The following ADAM23 variants were observed in gnomAD, a reference collection of about 807,000 sequenced individuals.
ADAM23 encodes ADAM metallopeptidase domain 23.
ADAM23 carries 33 observed loss-of-function variants against 120.1 expected under a neutral mutation model. That is an observed-to-expected ratio of 0.27 (90% CI 0.21 to 0.37). The LOEUF (loss-of-function observed/expected upper bound fraction) is 0.37. ADAM23 is among the 10% of genes least tolerant of loss of function. The pLI is 1.00. For synonymous variants in ADAM23, 367 were observed against 375.2 expected (o/e 0.98, Z 0.25); for missense variants, 862 against 1,058.2 (o/e 0.81, Z 2.57).
intron 24 of ADAM23, among the ~76,000 whole-genome samples, chr2:206,608,878 C>T (rs746897038): frequency 4.6e-5 from 7 of 152,096 alleles, no homozygotes; most frequent in Admixed American, 1.3e-4. Flanking sequence ...CAAGGATTTT[C>T]GGGAAACTAG....
rs541625911 is a variant in ADAM23, at chr2:206,445,000, C to T, written c.215-307C>T. Among the ~76,000 whole-genome samples, 3 of 22,210 alleles carry T rather than the reference C, an allele frequency of 1.4e-4. No individual in the cohort carries two copies. In the East Asian group the frequency reaches 1.8e-3, roughly 13 times the overall value. 14.6% of individuals were successfully genotyped at this position (22,210 alleles called of 152,430 possible). The stretch of plus-strand genomic sequence containing the variant: ...TCTTCTTCCCTCAAGTTCATTCTAC[C>T]CCCCCCCCAACACTTAGAAGTATAG... On this transcript the variant is annotated intron_variant, in intron 1 of 25. Transcript: ENST00000264377.
At chr2:206,604,714 T>C (rs1235196360) in intron 24 of ADAM23, among the ~76,000 whole-genome samples, 1 of 152,200 alleles carries the variant, frequency 6.6e-6, no homozygotes, top group Non-Finnish European at 1.5e-5. Context: ...TGGGAAAATA[T>C]TTAGCTAAAA....
At chr2:206,508,658 A>G (rs1350243866) in intron 3 of ADAM23, among the ~76,000 whole-genome samples, 2 of 147,602 alleles carry the variant, frequency 1.4e-5, no homozygotes, top group African/African-American at 4.9e-5. Context: ...CTGTCTCCAA[A>G]AAAAAAAAAA....
intron 2 of ADAM23, among the ~76,000 whole-genome samples, chr2:206,477,891 A>ATATATATATATATAT (rs1229595648): frequency 3.9e-4 from 37 of 94,364 alleles, no homozygotes; most frequent in South Asian, 1.4e-3. Flanking sequence ...AAAAAAAAAA[A>ATATATATATATATAT]AAAAAAATAT....
At chr2:206,613,690 G>A (rs1336338305) in intron 25 of ADAM23, among the ~76,000 whole-genome samples, 1 of 152,086 alleles carries the variant, frequency 6.6e-6, no homozygotes, top group Non-Finnish European at 1.5e-5. Context: ...TGTTAGAGCT[G>A]TTGCTTTTAC....
chr2:206,509,438 G>A (rs960849707), intron 3 of ADAM23, among the ~76,000 whole-genome samples: 4 of 151,890 alleles, frequency 2.6e-5, no homozygotes, highest in Non-Finnish European at 5.9e-5. Context: ...GAGATTATTT[G>A]TATTTTCTTT....
chr2:206,572,398 C>T (rs1698020612), intron 17 of ADAM23, among the ~76,000 whole-genome samples: 1 of 152,032 alleles, frequency 6.6e-6, no homozygotes, highest in African/African-American at 2.4e-5. Flanking sequence ...TTTAATCTTC[C>T]CTTTTCTCAT....
At chr2:206,606,016 T>TG (rs1698722520) in intron 24 of ADAM23, 2 of 557,460 alleles carry the variant, frequency 3.6e-6, no homozygotes, top group Admixed American at 7.2e-5. Context: ...ACTTGGATGT[T>TG]GCTTGTGTCC....
intron 2 of ADAM23, among the ~76,000 whole-genome samples, chr2:206,468,521 T>A (rs1401113209): frequency 6.6e-6 from 1 of 152,204 alleles, no homozygotes; most frequent in East Asian, 1.9e-4. Context: ...CTCTTCTCCA[T>A]CTGAGACCTC....
chr2:206,561,867 T>G (rs553177241), intron 12 of ADAM23, among the ~76,000 whole-genome samples: 1 of 152,346 alleles, frequency 6.6e-6, no homozygotes, highest in African/African-American at 2.4e-5. Flanking sequence ...GTTATCCCAG[T>G]TGCCCATTTA....
At chr2:206,476,594 G>C (rs1327141435) in intron 2 of ADAM23, among the ~76,000 whole-genome samples, 1 of 152,232 alleles carries the variant, frequency 6.6e-6, no homozygotes, top group Non-Finnish European at 1.5e-5. Context: ...GATCTGAAGT[G>C]GAACAGTTTC....
At chr2:206,538,750 CTGT>C (rs1321235706) in intron 4 of ADAM23, among the ~76,000 whole-genome samples, 8 of 152,046 alleles carry the variant, frequency 5.3e-5, no homozygotes, top group Admixed American at 6.6e-5. Context: ...CAAACAGTTC[CTGT>C]TGTTATTACT....
At chr2:206,548,431 G>A in intron 8 of ADAM23, 77 bp downstream of exon 8, 1 of 1,410,660 alleles carries the variant, frequency 7.1e-7, no homozygotes, top group East Asian at 2.3e-5. Flanking sequence ...CATTATCTAA[G>A]TGTACCTAAA....
chr2:206,458,843 C>A (rs916020447), intron 2 of ADAM23, among the ~76,000 whole-genome samples: 1 of 152,176 alleles, frequency 6.6e-6, no homozygotes, highest in African/African-American at 2.4e-5. Context: ...TGGTAGTTTT[C>A]TGGCTTTGGA....
chr2:206,503,725 C>T (rs1223017995), intron 3 of ADAM23, among the ~76,000 whole-genome samples: 2 of 152,126 alleles, frequency 1.3e-5, no homozygotes, highest in African/African-American at 4.8e-5. Flanking sequence ...TCAGTTTCTT[C>T]TGCAAATATT....
Position 206,588,230 on chromosome 2 carries a change from G to A in ADAM23, c.1852+76G>A, listed in dbSNP as rs1698360740. On this transcript the variant is annotated intron_variant, in intron 20 of 25. Coordinates refer to ENST00000264377, the MANE Select transcript of ADAM23 (RefSeq NM_003812.4). ...AGTGTTCTTCTCTGCCAGTCTTGCT[G>A]AGAGAGATGCACAGCTTGGAGTGAT... 2.0e-6 allele frequency: 3 copies of A among 1,474,824 alleles called. No individual in the cohort carries two copies. The African/African-American group carries it at 4.2e-5, about 21-fold the overall frequency. 91.4% of individuals were successfully genotyped at this position (1,474,824 alleles called of 1,614,324 possible). A position where few individuals can be genotyped will look rare whatever the true frequency, so the allele number is the denominator to read the frequency against.
intron 23 of ADAM23, 31 bp downstream of exon 23, chr2:206,594,936 C>T: frequency 1.2e-6 from 2 of 1,612,406 alleles, no homozygotes; most frequent in Non-Finnish European, 1.7e-6. Flanking sequence ...CAGCTGGAAC[C>T]TTCATGGTCT....
intron 3 of ADAM23, among the ~76,000 whole-genome samples, chr2:206,492,246 C>A (rs1482600702): frequency 6.6e-6 from 1 of 152,148 alleles, no homozygotes; most frequent in Non-Finnish European, 1.5e-5. Context: ...AATGTCTCAA[C>A]TCAGGCCTAA....
chr2:206,561,579 A>T (rs114198884), intron 12 of ADAM23, among the ~76,000 whole-genome samples: 6 of 152,046 alleles, frequency 3.9e-5, no homozygotes. Flanking sequence ...AGGATTTCTG[A>T]TATCAGTACT....
Sources: allele counts gnomAD v4.1 joint callset (sites outside exome capture counted in the v4.1 genomes callset), GRCh38; gene constraint gnomAD v4.1.1; transcripts MANE v1.5; gene names NCBI Gene and HGNC (gene_info 2026-07-23, HGNC 2026-07-21).